ATP10A: variants seen among roughly 807,000 people sequenced by gnomAD.
The protein encoded by ATP10A is ATPase phospholipid transporting 10A (putative).
A neutral mutation model predicts 147.8 loss-of-function variants in ATP10A; 111 were observed. That is an observed-to-expected ratio of 0.75 (90% CI 0.64 to 0.88). The LOEUF is 0.88. Ranked by LOEUF, ATP10A falls within the 40% of genes least tolerant of loss-of-function variation. The pLI is 0.00. For synonymous variants in ATP10A, 875 were observed against 841.6 expected, an observed-to-expected ratio of 1.04 and a Z score of -0.69; for missense variants, 1,927 against 1,959.0, an observed-to-expected ratio of 0.98 and a Z score of 0.31.
chr15:25,841,413 C>T (rs1258728792), intron 1 of ATP10A: 1 of 152,022 alleles, frequency 6.6e-6, no homozygotes, highest in Admixed American at 6.6e-5. Context: ...GTTCTTCACT[C>T]TGGTTCATTA....
Position 25,753,906 on chromosome 15 carries a change from A to G in ATP10A, c.655-17765T>C, listed in dbSNP as rs369821594. Among the ~76,000 whole-genome samples, 21 of 152,044 alleles carry G rather than the reference A, an allele frequency of 1.4e-4. No homozygotes were observed. The East Asian group carries it at 2.3e-3, about 17-fold the overall frequency. The stretch of plus-strand genomic sequence containing the variant: ...ATTCTCCCACCCTAGCCTCCCAAAT[A>G]GCTATGACTACAAATGCACACCACC... On this transcript the variant is annotated intron_variant, in intron 2 of 20. Transcript: ENST00000555815.
chr15:25,739,044 A>G lies in ATP10A; in HGVS notation c.655-2903T>C, dbSNP rs114704405. Among the ~76,000 whole-genome samples, 353 of 152,278 alleles carry G rather than the reference A, an allele frequency of 2.3e-3. 1 individual carries two copies. The highest frequency in any genetic ancestry group is 8.2e-3 in the African/African-American group (341 of 41,558). ...AGAAAATGTGTAACAGATTCTATAG[A>G]AACGTCCCCCAAAATTTAAATTGCT... On this transcript the variant is annotated intron_variant, in intron 2 of 20. Coordinates refer to ENST00000555815, the MANE Select transcript of ATP10A (RefSeq NM_024490.4).
chr15:25,683,245 G>A, intron 17 of ATP10A, 41 bp downstream of exon 17: 2 of 1,588,306 alleles, frequency 1.3e-6, no homozygotes, highest in Non-Finnish European at 1.7e-6. Flanking sequence ...GTGGAGGGCA[G>A]AGCTCAGGAG....
downstream of ATP10A, among the ~76,000 whole-genome samples, chr15:25,673,429 T>C (rs1383345444): frequency 6.6e-6 from 1 of 152,246 alleles, no homozygotes; most frequent in African/African-American, 2.4e-5. Context: ...AAGAGGTACA[T>C]TTCTGTCAGA....
intron 2 of ATP10A, among the ~76,000 whole-genome samples, chr15:25,777,096 C>CAT (rs1555468162): frequency 3.3e-5 from 5 of 149,806 alleles, no homozygotes; most frequent in South Asian, 2.1e-4. Context: ...TGCATACGTG[C>CAT]GTGTGTGTGT....
At chr15:25,856,291 C>T (rs1047087553) in intron 1 of ATP10A, among the ~76,000 whole-genome samples, 1 of 152,112 alleles carries the variant, frequency 6.6e-6, no homozygotes, top group Non-Finnish European at 1.5e-5. Context: ...GTTTTACAAG[C>T]GTCTGGCATT....
At chr15:25,797,256 TGTTCTCCAG>T (rs1294400563) in intron 1 of ATP10A, among the ~76,000 whole-genome samples, 2 of 152,228 alleles carry the variant, frequency 1.3e-5, no homozygotes, top group African/African-American at 4.8e-5. Flanking sequence ...CTGAACATAA[TGTTCTCCAG>T]GTTCATCTGT....
At chr15:25,849,953 A>G (rs1893208213) in intron 1 of ATP10A, among the ~76,000 whole-genome samples, 1 of 152,268 alleles carries the variant, frequency 6.6e-6, no homozygotes, top group South Asian at 2.1e-4. Context: ...TGGCAACACG[A>G]ATAAATAAAA....
chr15:25,762,869 G>T (rs10459721), intron 2 of ATP10A, among the ~76,000 whole-genome samples: 18,203 of 152,216 alleles, frequency 0.12, 1,226 homozygotes, highest in East Asian at 0.28. Flanking sequence ...CATGAGCCTG[G>T]CCAAATTATA....
At chr15:25,733,689 G>A (rs1407301159) in intron 3 of ATP10A, among the ~76,000 whole-genome samples, 3 of 152,234 alleles carry the variant, frequency 2.0e-5, no homozygotes, top group African/African-American at 7.2e-5. Context: ...GGTGTGGAGA[G>A]GCCTGAATTG....
intron 5 of ATP10A, among the ~76,000 whole-genome samples, chr15:25,725,134 C>T (rs1340897762): frequency 6.6e-6 from 1 of 152,148 alleles, no homozygotes; most frequent in African/African-American, 2.4e-5. Flanking sequence ...ATTCAATTCT[C>T]ACAGGAGCAC....
At chr15:25,750,503 C>T (rs1888090717) in intron 2 of ATP10A, among the ~76,000 whole-genome samples, 1 of 152,044 alleles carries the variant, frequency 6.6e-6, no homozygotes, top group African/African-American at 2.4e-5. Flanking sequence ...TGGATCTACA[C>T]AAAAGAATGA....
At chr15:25,730,898 A>T (rs1902943433) in intron 3 of ATP10A, among the ~76,000 whole-genome samples, 1 of 152,232 alleles carries the variant, frequency 6.6e-6, no homozygotes, top group African/African-American at 2.4e-5. Context: ...AAATATGTCA[A>T]CTAAAGGTGG....
At chr15:25,697,703 GA>G (rs1295258671) in intron 13 of ATP10A, among the ~76,000 whole-genome samples, 1 of 152,206 alleles carries the variant, frequency 6.6e-6, no homozygotes, top group Non-Finnish European at 1.5e-5. Context: ...CCCTCAAGGA[GA>G]AAACTATAAC....
chr15:25,766,250 G>A (rs1717113411), intron 2 of ATP10A, among the ~76,000 whole-genome samples: 1 of 152,174 alleles, frequency 6.6e-6, no homozygotes. Context: ...GGGAATTCCG[G>A]GAGATACAAT....
intron 7 of ATP10A, among the ~76,000 whole-genome samples, chr15:25,719,247 C>T (rs182263630): frequency 2.0e-5 from 3 of 152,196 alleles, no homozygotes; most frequent in Non-Finnish European, 4.4e-5. Context: ...GAAGGAGATA[C>T]TTATGGAGCC....
chr15:25,796,149 T>C (rs1890661204), intron 1 of ATP10A, among the ~76,000 whole-genome samples: 1 of 152,184 alleles, frequency 6.6e-6, no homozygotes, highest in Admixed American at 6.5e-5. Flanking sequence ...AAATAGTTTG[T>C]TTCAGGGCTA....
chr15:25,734,191 G>A (rs1310757939), intron 3 of ATP10A, among the ~76,000 whole-genome samples: 2 of 152,150 alleles, frequency 1.3e-5, no homozygotes, highest in Admixed American at 1.3e-4. Flanking sequence ...GTCCACCCCA[G>A]CAGAGGGCCG....
intron 1 of ATP10A, among the ~76,000 whole-genome samples, chr15:25,849,492 C>T (rs1356043220): frequency 1.3e-5 from 2 of 152,206 alleles, no homozygotes; most frequent in African/African-American, 4.8e-5. Context: ...CACCCTCCCT[C>T]CTTCTACGCC....
Sources: allele counts gnomAD v4.1 joint callset (sites outside exome capture counted in the v4.1 genomes callset), GRCh38; gene constraint gnomAD v4.1.1; transcripts MANE v1.5; gene names NCBI Gene and HGNC (gene_info 2026-07-23, HGNC 2026-07-21).